The following KRT7 variants were observed in gnomAD, a reference collection of about 807,000 sequenced individuals.
The protein encoded by KRT7 is keratin 7.
Under a neutral mutation model 42.8 loss-of-function variants are expected in KRT7, and 50 were observed. The observed-to-expected ratio is 1.17, with a 90% confidence interval of 0.93 to 1.48. The LOEUF (loss-of-function observed/expected upper bound fraction) is 1.48. KRT7 is among the 40% of genes most tolerant of loss of function. The probability of loss-of-function intolerance (pLI) is 0.00; values close to 1 mark genes in which losing one functional copy is unlikely to be tolerated. For synonymous variants in KRT7, 268 were observed against 266.3 expected, an observed-to-expected ratio of 1.01 and a Z score of -0.06; for missense variants, 588 against 637.6, an observed-to-expected ratio of 0.92 and a Z score of 0.84.
At chr12:52,241,442 A>C in intron 4 of KRT7, 30 bp from the exon 5 acceptor site, 1 of 1,572,836 alleles carries the variant, frequency 6.4e-7, no homozygotes, top group Non-Finnish European at 8.7e-7. Flanking sequence ...ATCCTGCCCT[A>C]AGTCCTGATG....
chr12:52,238,709 G>A lies in KRT7; in HGVS notation c.627G>A (p.Val209=). ...TGGATGCTGCCTACATGAGCAAGGT[G>A]GAGCTGGAGGCCAAGGTGGATGCCC... ...KDVDAAYMSK[V]ELEAKVDALN... is the part of the protein sequence containing the mutation. Residue 209 remains valine, a synonymous_variant, in exon 4 of 9, where the codon GTG becomes GTA. Coordinates refer to ENST00000331817, the MANE Select transcript of KRT7 (RefSeq NM_005556.4). 1 of 1,613,972 alleles carries A rather than the reference G, an allele frequency of 6.2e-7. No individual in the cohort carries two copies. Among genetic ancestry groups the A allele is most frequent in the Non-Finnish European group, 8.5e-7 (1 of 1,179,848 alleles).
intron 5 of KRT7, among the ~76,000 whole-genome samples, chr12:52,242,489 T>C (rs1175628425): frequency 6.6e-6 from 1 of 152,082 alleles, no homozygotes; most frequent in African/African-American, 2.4e-5. Context: ...TGAACCAGTG[T>C]TCCTGAAGAA....
At chr12:52,249,537 A>G (rs1204604824), downstream of KRT7, 1 of 152,324 alleles carries the variant, frequency 6.6e-6, no homozygotes, top group Non-Finnish European at 1.5e-5. Flanking sequence ...ATGGGTTTGT[A>G]TCTGGATCCA....
intron 1 of KRT7, 115 bp from the exon 2 acceptor site, chr12:52,235,040 G>A: frequency 1.0e-6 from 1 of 959,596 alleles, no homozygotes; most frequent in Non-Finnish European, 1.6e-6. Context: ...CCCAGGCAGG[G>A]AAACAGCCAG....
At chr12:52,236,203 C>G (rs959680292) in intron 2 of KRT7, among the ~76,000 whole-genome samples, 6 of 150,862 alleles carry the variant, frequency 4.0e-5, no homozygotes, top group African/African-American at 1.2e-4. Flanking sequence ...GAGTGCCCCC[C>G]CCCAACACTC....
Position 52,233,615 on chromosome 12 carries a change from G to T in KRT7, c.319G>T (p.Asp107Tyr). The T allele has an allele frequency of 2.5e-6, 4 of 1,612,474 alleles. No homozygotes were observed. Among genetic ancestry groups the T allele is most frequent in the Middle Eastern group, 1.9e-4 (1 of 5,232 alleles). Residue 107 changes from aspartate to tyrosine, a missense_variant, in exon 1 of 9, where the codon GAC becomes TAC. Asp to Tyr is a radical substitution (Grantham distance 160). Transcript: ENST00000331817. Reference protein sequence around the residue: ...TLNNKFASFIDKVRFLEQQNK... With the variant: ...TLNNKFASFIYKVRFLEQQNK... ...CAACAACAAGTTTGCCTCCTTCATCGACAAGGTGAGCGGGACTGGACCTCG... is the reference window on the plus strand; with the variant it reads ...CAACAACAAGTTTGCCTCCTTCATCTACAAGGTGAGCGGGACTGGACCTCG...
downstream of KRT7, chr12:52,253,130 G>C (rs1747352516): frequency 2.3e-6 from 3 of 1,300,944 alleles, no homozygotes; most frequent in Non-Finnish European, 2.2e-6. Context: ...CCCACACACT[G>C]GCAAGGGGTC....
downstream of KRT7, chr12:52,253,896 T>G (rs1402034930): frequency 2.4e-6 from 1 of 408,862 alleles, no homozygotes; most frequent in Non-Finnish European, 4.9e-6. Flanking sequence ...CCAGTTACAG[T>G]CTTCCACCTC....
intron 2 of KRT7, among the ~76,000 whole-genome samples, chr12:52,236,414 C>T (rs1332042886): frequency 6.7e-6 from 1 of 149,560 alleles, no homozygotes; most frequent in Non-Finnish European, 1.5e-5. Flanking sequence ...TGGAGCCAGT[C>T]TGAGATCCAG....
chr12:52,252,573 A>G, downstream of KRT7: 2 of 1,480,566 alleles, frequency 1.4e-6, no homozygotes, highest in Non-Finnish European at 1.8e-6. Flanking sequence ...CAGAAGAAAA[A>G]GAGGCCTTGT....
rs1372995717 is a variant in KRT7, at chr12:52,235,253, T to A, written c.423T>A (p.Phe141Leu). 1 of 1,614,204 alleles carries A rather than the reference T, an allele frequency of 6.2e-7. No homozygotes were observed. Among genetic ancestry groups the A allele is most frequent in the East Asian group, 2.2e-5 (1 of 44,884 alleles). The stretch of plus-strand genomic sequence containing the variant: ...AGAGCAGCCGCCTCCCAGACATCTT[T>A]GAGGCCCAGATTGCTGGCCTTCGGG... ...SAKSSRLPDI[F>L]EAQIAGLRGQ... is the part of the protein sequence containing the mutation. The change falls in exon 2 of 9, where the codon TTT becomes TTA. Residue 141 changes from phenylalanine (F) to leucine (L), a missense_variant. Physicochemically the swap from Phe to Leu is conservative, Grantham distance 22. Coordinates refer to ENST00000331817, the MANE Select transcript of KRT7 (RefSeq NM_005556.4).
intron 5 of KRT7, 174 bp downstream of exon 5, chr12:52,241,810 G>A (rs1942096567): frequency 3.6e-6 from 2 of 558,534 alleles, no homozygotes; most frequent in Non-Finnish European, 3.2e-6. Flanking sequence ...GGAGGACAGG[G>A]CAGAGGAAAT....
rs758475619 is a variant in KRT7 at position 52,245,473 on chromosome 12, A to G, written c.1046A>G (p.Asp349Gly). 6.2e-7 allele frequency: 1 copy of G among 1,614,042 alleles called. No individual in the cohort carries two copies. ...AEERGELALK[D>G]ARAKQEELEA... is the part of the protein sequence containing the mutation. ...GAGCGTGGGGAGCTGGCGCTCAAGG[A>G]TGCTCGTGCCAAGCAGGAGGAGCTG... Residue 349 changes from aspartate to glycine, a missense_variant, in exon 7 of 9, where the codon GAT (aspartate) becomes GGT (glycine). Transcript: ENST00000331817.
At chr12:52,234,107 G>T (rs7488707) in intron 1 of KRT7, among the ~76,000 whole-genome samples, 114,191 of 134,006 alleles carry the variant, frequency 0.85, 48,978 homozygotes, top group African/African-American at 0.95. Context: ...AGATTAGAGC[G>T]GCAGTCGGTG....
downstream of KRT7, among the ~76,000 whole-genome samples, chr12:52,252,873 A>G (rs73317426): frequency 1.3e-5 from 2 of 152,260 alleles, no homozygotes; most frequent in Non-Finnish European, 2.9e-5. Context: ...ATGTGTGATC[A>G]CTGATCTAGA....
At chr12:52,234,752 A>G (rs1057289370) in intron 1 of KRT7, among the ~76,000 whole-genome samples, 17 of 152,138 alleles carry the variant, frequency 1.1e-4, no homozygotes, top group Non-Finnish European at 2.1e-4. Flanking sequence ...AAGGGGAAGG[A>G]GAGAAAGGAT....
chr12:52,255,008 C>T (rs542167409), downstream of KRT7, among the ~76,000 whole-genome samples: 3 of 152,332 alleles, frequency 2.0e-5, no homozygotes, highest in East Asian at 3.9e-4. Context: ...TGCTCTTTCA[C>T]TCGCAAATAT....
chr12:52,237,565 A>G lies in KRT7; in HGVS notation c.593A>G (p.Lys198Arg). 3.7e-6 allele frequency: 6 copies of G among 1,609,888 alleles called. No individual in the cohort carries two copies. The highest frequency in any genetic ancestry group is 5.1e-6 in the Non-Finnish European group (6 of 1,178,022). Residue 198 changes from lysine to arginine, a missense_variant, in exon 3 of 9, where the codon AAG becomes AGG. Transcript: ENST00000331817. The stretch of plus-strand genomic sequence containing the variant: ...GCTGAGAATGAGTTTGTGGTGCTGA[A>G]GAAGGTGAGTGGGAAAGACAGGCTC... ...TAAENEFVVL[K>R]KDVDAAYMSK... is the part of the protein sequence containing the mutation.
At position 52,233,458 on chromosome 12, in the gene KRT7, C is replaced by A. The variant is rs1189244352; in HGVS notation, c.162C>A (p.Ala54=). Residue 54 remains alanine (A), a synonymous_variant, in exon 1 of 9, where the codon GCC becomes GCA. Coordinates refer to ENST00000331817, the MANE Select transcript of KRT7 (RefSeq NM_005556.4). Reference sequence around the variant, plus strand: ...GGCCGCGCGTGGCCGTGCGCTCTGCCTATGGGGGCCCGGTGGGCGCCGGCA... The same window carrying A: ...GGCCGCGCGTGGCCGTGCGCTCTGCATATGGGGGCCCGGTGGGCGCCGGCA... ...ASRPRVAVRS[A]YGGPVGAGIR... is the part of the protein sequence containing the mutation. The A allele has an allele frequency of 6.8e-6, 11 of 1,608,512 alleles. No homozygotes were observed. In the East Asian group the frequency reaches 2.5e-4, roughly 36 times the overall value.
Sources: gnomAD v4.1 joint callset for allele counts (sites outside exome capture counted in the v4.1 genomes callset) on GRCh38, gnomAD v4.1.1 for gene constraint, MANE v1.5 for transcripts, NCBI Gene and HGNC (gene_info 2026-07-23, HGNC 2026-07-21) for gene names.